TPPP2: variants seen among roughly 807,000 people sequenced by gnomAD.
TPPP2 encodes tubulin polymerization-promoting protein family member 2.
In TPPP2, 8 loss-of-function variants were observed where a neutral mutation model predicts 13.0. The observed-to-expected ratio is 0.62, with a 90% CI of 0.36 to 1.11. The LOEUF is 1.11. TPPP2 is among the 50% of genes most tolerant of loss of function. TPPP2 has a pLI of 0.02. For missense variants in TPPP2, 213 were observed against 216.9 expected (o/e 0.98, Z 0.11); for synonymous variants, 81 against 81.8 (o/e 0.99, Z 0.05).
upstream of TPPP2, among the ~76,000 whole-genome samples, chr14:21,026,881 C>G (rs560605685): frequency 6.6e-6 from 1 of 152,260 alleles, no homozygotes; most frequent in South Asian, 2.1e-4. Context: ...GGGTCACAGC[C>G]AAAGGTGCGC....
chr14:21,026,310 T>A (rs1003460907), upstream of TPPP2, among the ~76,000 whole-genome samples: 1 of 143,120 alleles, frequency 7.0e-6, no homozygotes, highest in Non-Finnish European at 1.5e-5. Context: ...GCCCCCCTTG[T>A]AGCTCCCCCA....
chr14:21,025,690 G>C, upstream of TPPP2: 1 of 985,256 alleles, frequency 1.0e-6, no homozygotes, highest in Non-Finnish European at 1.2e-6. The surrounding 1 kb of genome is among the most constrained non-coding windows in gnomAD (Gnocchi z 5.1). Context: ...TCCTCTCTTT[G>C]CTGCGTCCCG....
chr14:21,024,859 C>G, intron 1 of TPPP2: 1 of 985,746 alleles, frequency 1.0e-6, no homozygotes, highest in Non-Finnish European at 1.2e-6. Flanking sequence ...CCCAAACACG[C>G]CCTGCAGCTC....
At chr14:21,033,010 G>C (rs1381846678), downstream of TPPP2, 1 of 454,822 alleles carries the variant, frequency 2.2e-6, no homozygotes. Context: ...GTCAGGGGCA[G>C]ACTCTGGAGT....
upstream of TPPP2, among the ~76,000 whole-genome samples, chr14:21,029,663 G>A (rs2139069220): frequency 6.6e-6 from 1 of 152,234 alleles, no homozygotes; most frequent in South Asian, 2.1e-4. Flanking sequence ...TAGGAGATGG[G>A]GCATTTTGGG....
downstream of TPPP2, chr14:21,033,871 G>A (rs533786523): frequency 1.7e-5 from 27 of 1,614,052 alleles, no homozygotes; most frequent in South Asian, 5.5e-5. Context: ...TCATACTTGC[G>A]GGAGCAGAGT....
chr14:21,029,586 G>A (rs1041628659), upstream of TPPP2, among the ~76,000 whole-genome samples: 3 of 152,150 alleles, frequency 2.0e-5, no homozygotes, highest in Admixed American at 6.5e-5. Flanking sequence ...AACAGACAGC[G>A]AGACTCCATC....
intron 3 of TPPP2, chr14:21,031,367 G>A (rs1411727503): frequency 1.7e-6 from 1 of 592,394 alleles, no homozygotes; most frequent in African/African-American, 1.9e-5. Flanking sequence ...TATTTTAATA[G>A]TAGATTTAGA....
chr14:21,025,811 G>T (rs1489475030), upstream of TPPP2: 4 of 751,576 alleles, frequency 5.3e-6, no homozygotes, highest in African/African-American at 5.7e-5. The surrounding 1 kb of genome is among the most constrained non-coding windows in gnomAD (Gnocchi z 5.1). Flanking sequence ...CAGGCGGGGG[G>T]TGGGGAGAGG....
At chr14:21,034,155 G>T, downstream of TPPP2, 1 of 1,614,108 alleles carries the variant, frequency 6.2e-7, no homozygotes, top group Non-Finnish European at 8.5e-7. Context: ...GAAACCCTTT[G>T]GGTAGTTAAC....
intron 3 of TPPP2, 128 bp from the exon 4 acceptor site, chr14:21,031,764 C>G (rs1424823468): frequency 1.9e-6 from 2 of 1,043,990 alleles, no homozygotes; most frequent in Non-Finnish European, 2.8e-6. Context: ...CCTAAGAAAG[C>G]AGCACCCCAT....
chr14:21,033,599 T>C, downstream of TPPP2: 1 of 557,320 alleles, frequency 1.8e-6, no homozygotes, highest in South Asian at 2.3e-5. Flanking sequence ...GATGAGGAGG[T>C]GGGGGCGAAG....
downstream of TPPP2, chr14:21,032,828 T>C (rs916481282): frequency 9.7e-6 from 4 of 412,804 alleles, no homozygotes; most frequent in African/African-American, 8.3e-5. Context: ...TGTGTGTTAT[T>C]AACTTTTTAT....
upstream of TPPP2, chr14:21,025,703 G>T: frequency 3.0e-6 from 3 of 984,590 alleles, no homozygotes; most frequent in South Asian, 4.7e-5. The surrounding 1 kb of genome is among the most constrained non-coding windows in gnomAD (Gnocchi z 5.1). Flanking sequence ...GCGTCCCGAC[G>T]CCTGCTCTCC....
intron 2 of TPPP2, 55 bp from the exon 3 acceptor site, chr14:21,030,957 T>C: frequency 1.3e-6 from 2 of 1,562,084 alleles, no homozygotes; most frequent in South Asian, 2.5e-5. Context: ...AGTTGGACCT[T>C]GGAAGGTAAT....
chr14:21,025,235 G>A, upstream of TPPP2: 4 of 839,918 alleles, frequency 4.8e-6, no homozygotes, highest in Non-Finnish European at 5.7e-6. This position sits in a 1 kb window ranked among gnomAD's most constrained non-coding sequence, Gnocchi z 5.1. Context: ...GCTGGGGCCG[G>A]GGGGCGAGGG....
chr14:21,029,374 G>T (rs1883906591), upstream of TPPP2: 1 of 152,244 alleles, frequency 6.6e-6, no homozygotes, highest in South Asian at 2.1e-4. Context: ...GCTGAGGCAG[G>T]TGGATCACTT....
chr14:21,026,340 C>T (rs552528647), upstream of TPPP2, among the ~76,000 whole-genome samples: 237 of 151,014 alleles, frequency 1.6e-3, 1 homozygote, highest in African/African-American at 5.4e-3. Flanking sequence ...TCATATCCAC[C>T]CCAACCCCCT....
At chr14:21,025,219 G>T, upstream of TPPP2, 11 of 851,580 alleles carry the variant, frequency 1.3e-5, no homozygotes, top group Non-Finnish European at 1.6e-5. This position sits in a 1 kb window ranked among gnomAD's most constrained non-coding sequence, Gnocchi z 5.1. Context: ...CTCAGGAAAG[G>T]GTTGTGCTGG....
Sources: allele counts gnomAD v4.1 joint callset (sites outside exome capture counted in the v4.1 genomes callset), GRCh38; gene constraint gnomAD v4.1.1; non-coding constraint Gnocchi (gnomAD v3.1); transcripts MANE v1.5; gene names NCBI Gene and HGNC (gene_info 2026-07-23, HGNC 2026-07-21).